The following INSYN2A variants were observed in gnomAD, a reference collection of about 807,000 sequenced individuals.
INSYN2A encodes the protein inhibitory synaptic factor 2A.
In INSYN2A, 17 loss-of-function variants were observed where a neutral mutation model predicts 39.4. That is an observed-to-expected ratio of 0.43 (90% CI 0.30 to 0.65). The LOEUF (loss-of-function observed/expected upper bound fraction) is 0.65, where lower values mean the gene tolerates loss of function less well. Ranked by LOEUF, INSYN2A falls within the 30% of genes least tolerant of loss-of-function variation. The pLI is 0.14. For synonymous variants in INSYN2A, 255 were observed against 265.7 expected, an observed-to-expected ratio of 0.96 and a Z score of 0.39; for missense variants, 595 against 631.2, an observed-to-expected ratio of 0.94 and a Z score of 0.61.
chr10:127,157,397 G>A (rs1409859241), intron 4 of INSYN2A, among the ~76,000 whole-genome samples: 4 of 152,228 alleles, frequency 2.6e-5, no homozygotes, highest in African/African-American at 9.6e-5. Flanking sequence ...TATAAAATGA[G>A]AGGCCCTTTG....
intron 5 of INSYN2A, among the ~76,000 whole-genome samples, chr10:127,152,431 G>A (rs1305986534): frequency 5.3e-5 from 8 of 152,226 alleles, no homozygotes; most frequent in Non-Finnish European, 1.5e-5. Context: ...GCCAAGAACA[G>A]TCAGCAGCTT....
At chr10:127,147,651 C>T (rs1490854276) in intron 5 of INSYN2A, among the ~76,000 whole-genome samples, 3 of 152,054 alleles carry the variant, frequency 2.0e-5, no homozygotes, top group Non-Finnish European at 2.9e-5. Flanking sequence ...TTAGGAGGTC[C>T]CTTGAAAAAC....
chr10:127,153,016 A>G (rs2052660406), intron 5 of INSYN2A, among the ~76,000 whole-genome samples: 1 of 152,206 alleles, frequency 6.6e-6, no homozygotes, highest in Non-Finnish European at 1.5e-5. Flanking sequence ...TTCTTAATGC[A>G]GAGGACAGTA....
chr10:127,189,431 C>T (rs2056555985), intron 2 of INSYN2A, among the ~76,000 whole-genome samples: 1 of 152,228 alleles, frequency 6.6e-6, no homozygotes, highest in African/African-American at 2.4e-5. Context: ...CACCTGCTAA[C>T]TTCTGTCATT....
chr10:127,144,989 T>C (rs1356728668), intron 5 of INSYN2A, among the ~76,000 whole-genome samples: 2 of 152,206 alleles, frequency 1.3e-5, no homozygotes, highest in African/African-American at 2.4e-5. Context: ...TAGCTGTATA[T>C]TTTACTATGA....
At chr10:127,180,584 A>T (rs940542063) in intron 2 of INSYN2A, among the ~76,000 whole-genome samples, 7 of 152,218 alleles carry the variant, frequency 4.6e-5, no homozygotes, top group African/African-American at 1.7e-4. Context: ...TGAGCTGTAA[A>T]TACATAAACC....
chr10:127,165,633 A>C (rs77305391), intron 4 of INSYN2A, among the ~76,000 whole-genome samples: 3,395 of 152,160 alleles, frequency 0.022, 120 homozygotes, highest in African/African-American at 0.074. Flanking sequence ...GTTCACATGG[A>C]TGTGGACATC....
chr10:127,165,839 A>G (rs1406563011), intron 4 of INSYN2A, among the ~76,000 whole-genome samples: 1 of 152,144 alleles, frequency 6.6e-6, no homozygotes, highest in Non-Finnish European at 1.5e-5. Flanking sequence ...ATTCCTGTTA[A>G]TGATTACAGA....
At chr10:127,164,532 T>C (rs2053908828) in intron 4 of INSYN2A, among the ~76,000 whole-genome samples, 1 of 152,170 alleles carries the variant, frequency 6.6e-6, no homozygotes, top group Non-Finnish European at 1.5e-5. Flanking sequence ...CCCAGCAACT[T>C]GTATGCTTCC....
intron 1 of INSYN2A, among the ~76,000 whole-genome samples, chr10:127,193,028 G>A (rs953952480): frequency 2.0e-5 from 3 of 152,106 alleles, no homozygotes; most frequent in East Asian, 1.9e-4. Flanking sequence ...TGAAAGTGTC[G>A]TCATGTAGTA....
chr10:127,136,602 A>C lies in INSYN2A; in HGVS notation c.*1235T>G, dbSNP rs1341772810. 3 of 152,680 alleles carry C rather than the reference A, an allele frequency of 2.0e-5. No individual in the cohort carries two copies. The highest frequency in any genetic ancestry group is 7.2e-5 in the African/African-American group (3 of 41,470). 9.5% of individuals were successfully genotyped at this position (152,680 alleles called of 1,614,324 possible). ...TATAAAAAGATACTTGCAAAGGTGC[A>C]AAGAAATGAGTGAAAAAATAAAGGA... is the stretch of plus-strand genomic sequence containing the variant. On this transcript the variant is annotated 3_prime_UTR_variant, in exon 6 of 6. Coordinates refer to ENST00000522781, the MANE Select transcript of INSYN2A (RefSeq NM_001039762.3).
chr10:127,162,091 G>A (rs1414283194), intron 4 of INSYN2A, among the ~76,000 whole-genome samples: 1 of 152,140 alleles, frequency 6.6e-6, no homozygotes, highest in Non-Finnish European at 1.5e-5. Flanking sequence ...ATTTGATATT[G>A]TCTGATTGGT....
At chr10:127,183,221 G>A (rs1655998466) in intron 2 of INSYN2A, among the ~76,000 whole-genome samples, 1 of 151,738 alleles carries the variant, frequency 6.6e-6, no homozygotes, top group South Asian at 2.1e-4. Context: ...AGTCTTATTT[G>A]AGGATACCCT....
At position 127,176,520 on chromosome 10, in the gene INSYN2A, G is replaced by A. The variant is rs2055178351; in HGVS notation, c.-5-120C>T. ...GTTTCCTAATTATATTTAAGCAGGT[G>A]AGGTCGGCCTTTATGTTAAGGAAAA... On this transcript the variant is annotated intron_variant, in intron 3 of 5. Coordinates refer to ENST00000522781, the MANE Select transcript of INSYN2A (RefSeq NM_001039762.3). The surrounding 1 kb of genome is among the most constrained non-coding windows in gnomAD (Gnocchi z 4.4). The A allele has an allele frequency of 1.2e-6, 1 of 815,828 alleles. No homozygotes were observed. The highest frequency in any genetic ancestry group is 2.6e-5 in the East Asian group (1 of 37,830). The allele number at this position is 815,828 out of a possible 1,614,324, so 50.5% of individuals were successfully genotyped here.
chr10:127,174,095 C>G (rs757577481), intron 4 of INSYN2A, among the ~76,000 whole-genome samples: 4 of 152,228 alleles, frequency 2.6e-5, no homozygotes, highest in Non-Finnish European at 5.9e-5. Context: ...TCAGCCACAG[C>G]AATCCTCTTA....
chr10:127,172,368 C>T lies in INSYN2A; in HGVS notation c.1184+2844G>A, dbSNP rs1454337924. Among the ~76,000 whole-genome samples the T allele has an allele frequency of 2.6e-5, 4 of 152,270 alleles. No individual in the cohort carries two copies. In the East Asian group the frequency reaches 7.7e-4, roughly 29 times the overall value. ...TCCAGAGCCTGTTGTTCCAGATGTC[C>T]CAGCCCAGTGCTGGCTGCCACTGCT... is the stretch of plus-strand genomic sequence containing the variant. On this transcript the variant is annotated intron_variant, in intron 4 of 5. Transcript: ENST00000522781.
chr10:127,193,078 C>T (rs1436536296), intron 1 of INSYN2A, among the ~76,000 whole-genome samples: 4 of 151,966 alleles, frequency 2.6e-5, no homozygotes, highest in African/African-American at 4.8e-5. Context: ...TTGAAGTCAC[C>T]CCATAATGTT....
At chr10:127,180,905 G>A (rs200171864) in intron 2 of INSYN2A, among the ~76,000 whole-genome samples, 6 of 152,192 alleles carry the variant, frequency 3.9e-5, no homozygotes, top group East Asian at 3.8e-4. Context: ...TAGCACATTC[G>A]GAGAGATTTA....
intron 2 of INSYN2A, among the ~76,000 whole-genome samples, chr10:127,179,247 A>G (rs1349269290): frequency 6.6e-6 from 1 of 152,236 alleles, no homozygotes; most frequent in East Asian, 1.9e-4. Context: ...CTTGGACGCA[A>G]CCATCAAACT....
Sources: gnomAD v4.1 joint callset for allele counts (sites outside exome capture counted in the v4.1 genomes callset) on GRCh38, gnomAD v4.1.1 for gene constraint, Gnocchi (gnomAD v3.1) non-coding constraint, MANE v1.5 for transcripts, NCBI Gene and HGNC (gene_info 2026-07-23, HGNC 2026-07-21) for gene names.